Variants in CNGB3 observed in about 807,000 individuals in gnomAD.
The protein encoded by CNGB3 is cyclic nucleotide-gated channel beta-3.
CNGB3 carries 86 observed loss-of-function variants against 92.8 expected under a neutral mutation model. The observed-to-expected ratio is 0.93, with a 90% CI of 0.78 to 1.11. The LOEUF is 1.11. CNGB3 is among the 50% of genes least tolerant of loss of function. CNGB3 has a pLI of 0.00. For missense variants in CNGB3, 1,026 were observed against 956.8 expected (o/e 1.07, Z -0.95); for synonymous variants, 333 against 332.7 (o/e 1.00, Z -0.01).
chr8:86,587,978 T>C (rs1315577360), intron 15 of CNGB3, among the ~76,000 whole-genome samples: 5 of 149,392 alleles, frequency 3.3e-5, no homozygotes, highest in Non-Finnish European at 7.5e-5. Context: ...GAGCATGGAA[T>C]GTTCTTCCAT....
chr8:86,604,239 G>T (rs746915007), intron 14 of CNGB3, 28 bp from the exon 15 acceptor site: 4 of 1,364,716 alleles, frequency 2.9e-6, no homozygotes, highest in Admixed American at 3.4e-5. Flanking sequence ...AGAGGAAATG[G>T]TAGTTACTTT....
rs910536090 is a variant in CNGB3 at position 86,621,461 on chromosome 8, A to T, written c.1578+4522T>A. ...TGCTATTTTGTTTTTAAAATTTTTT[A>T]TTTACTTTTTAATTTTTATTTAATT... is the stretch of plus-strand genomic sequence containing the variant. On this transcript the variant is annotated intron_variant, in intron 13 of 17. Transcript: ENST00000320005. Among the ~76,000 whole-genome samples, 6 of 152,224 alleles carry T rather than the reference A, an allele frequency of 3.9e-5. No homozygotes were observed. In the East Asian group the frequency reaches 1.2e-3, roughly 29 times the overall value.
chr8:86,617,825 G>T (rs1383482678), intron 13 of CNGB3, among the ~76,000 whole-genome samples: 1 of 152,076 alleles, frequency 6.6e-6, no homozygotes, highest in Non-Finnish European at 1.5e-5. Flanking sequence ...CCAGTTTTGT[G>T]GAAGACAATT....
intron 3 of CNGB3, among the ~76,000 whole-genome samples, chr8:86,694,187 ACCTCCCTCCCG>A (rs1824389799): frequency 3.6e-5 from 2 of 55,656 alleles, no homozygotes; most frequent in African/African-American, 1.5e-4. Flanking sequence ...GACCCCCCCC[ACCTCCCTCCCG>A]GACGGGGCGG....
At chr8:86,690,753 A>G (rs1232564758) in intron 3 of CNGB3, among the ~76,000 whole-genome samples, 1 of 151,948 alleles carries the variant, frequency 6.6e-6, no homozygotes, top group African/African-American at 2.4e-5. Context: ...TAAGGAAGGG[A>G]TCCAGTTTCA....
intron 13 of CNGB3, among the ~76,000 whole-genome samples, chr8:86,612,850 A>G (rs1458563021): frequency 6.6e-6 from 1 of 152,214 alleles, no homozygotes. Context: ...ACAAATACTG[A>G]TGAGAAGCTG....
At chr8:86,596,298 C>A (rs961339476) in intron 15 of CNGB3, among the ~76,000 whole-genome samples, 1 of 152,086 alleles carries the variant, frequency 6.6e-6, no homozygotes, top group Admixed American at 6.5e-5. Flanking sequence ...CAAATTGGTT[C>A]AATTTTTTTC....
intron 13 of CNGB3, among the ~76,000 whole-genome samples, chr8:86,621,510 G>T (rs1475943421): frequency 5.3e-5 from 8 of 151,972 alleles, no homozygotes; most frequent in Non-Finnish European, 7.4e-5. Context: ...GGGAACAAGT[G>T]GTTTTTGGTT....
chr8:86,579,035 T>C (rs1005789529), intron 16 of CNGB3, 71 bp downstream of exon 16: 12 of 1,589,642 alleles, frequency 7.5e-6, no homozygotes, highest in Non-Finnish European at 9.5e-6. Context: ...CATAATACGG[T>C]TCTCCCTATC....
At chr8:86,720,241 CTA>C (rs776337186) in intron 3 of CNGB3, among the ~76,000 whole-genome samples, 17 of 152,140 alleles carry the variant, frequency 1.1e-4, no homozygotes, top group Non-Finnish European at 1.8e-4. Flanking sequence ...TCTTCACAAT[CTA>C]TATATCTGAC....
At chr8:86,661,260 T>C in intron 6 of CNGB3, 1 of 339,722 alleles carries the variant, frequency 2.9e-6, no homozygotes, top group South Asian at 3.0e-5. Flanking sequence ...CAAAAGACTA[T>C]CAGGGTCGAC....
chr8:86,632,722 T>C (rs770266622), intron 11 of CNGB3, 30 bp downstream of exon 11: 1 of 1,610,448 alleles, frequency 6.2e-7, no homozygotes, highest in Non-Finnish European at 8.5e-7. Context: ...ATGACAGCAC[T>C]GTGTATCCAG....
At chr8:86,611,441 A>G (rs1380840286) in intron 14 of CNGB3, 147 bp downstream of exon 14, 2 of 682,042 alleles carry the variant, frequency 2.9e-6, no homozygotes, top group East Asian at 5.5e-5. Context: ...AGAGCACGTT[A>G]TTGCTGTACA....
At chr8:86,741,676 A>G (rs1825343763) in intron 1 of CNGB3, among the ~76,000 whole-genome samples, 1 of 149,758 alleles carries the variant, frequency 6.7e-6, no homozygotes, top group African/African-American at 2.4e-5. Context: ...AAAAAAAACA[A>G]AAAAAAAAAA....
chr8:86,733,144 C>A (rs563118356), intron 2 of CNGB3, among the ~76,000 whole-genome samples: 11 of 152,224 alleles, frequency 7.2e-5, no homozygotes, highest in African/African-American at 2.6e-4. Context: ...ATCTTTATGT[C>A]CATGAGTACC....
intron 3 of CNGB3, among the ~76,000 whole-genome samples, chr8:86,690,992 T>C (rs1824300479): frequency 6.6e-6 from 1 of 152,236 alleles, no homozygotes. Flanking sequence ...TCAGGTAGTG[T>C]GATGCCTTCA....
At chr8:86,674,297 C>A (rs1292810466) in intron 3 of CNGB3, among the ~76,000 whole-genome samples, 1 of 152,180 alleles carries the variant, frequency 6.6e-6, no homozygotes, top group Non-Finnish European at 1.5e-5. Context: ...AGTGTGCAAA[C>A]CCACCTCATG....
chr8:86,665,083 G>A (rs778846019), intron 6 of CNGB3, among the ~76,000 whole-genome samples: 29 of 152,140 alleles, frequency 1.9e-4, no homozygotes, highest in African/African-American at 3.6e-4. Flanking sequence ...TTTGCCTAGC[G>A]GTCACCATAT....
intron 10 of CNGB3, among the ~76,000 whole-genome samples, chr8:86,636,358 G>A (rs545179356): frequency 9.2e-5 from 14 of 151,922 alleles, no homozygotes; most frequent in Non-Finnish European, 1.8e-4. Flanking sequence ...GATCACTTGA[G>A]GTTGGGAGTT....
Sources: gnomAD v4.1 joint callset for allele counts (sites outside exome capture counted in the v4.1 genomes callset) on GRCh38, gnomAD v4.1.1 for gene constraint, MANE v1.5 for transcripts, NCBI Gene and HGNC (gene_info 2026-07-23, HGNC 2026-07-21) for gene names.